SHISA9: variants seen among roughly 807,000 people sequenced by gnomAD.
The protein encoded by SHISA9 is protein shisa-9.
A neutral mutation model predicts 38.0 loss-of-function variants in SHISA9; 13 were observed. The ratio of observed to expected loss-of-function variants is 0.34; its 90% CI spans 0.22 to 0.54. The LOEUF (loss-of-function observed/expected upper bound fraction) is 0.54, where lower values mean the gene tolerates loss of function less well. Ranked by LOEUF, SHISA9 falls within the 20% of genes least tolerant of loss-of-function variation. The pLI, the probability that SHISA9 is intolerant of heterozygous loss-of-function variation, is 0.91. For missense variants in SHISA9, 538 were observed against 575.8 expected (o/e 0.93, Z 0.67); for synonymous variants, 275 against 242.0 (o/e 1.14, Z -1.27).
At chr16:13,282,192 T>C in the SHISA9 span, among the ~76,000 whole-genome samples, 5 of 152,014 alleles carry the variant, frequency 3.3e-5, 1 homozygote, top group Non-Finnish European at 4.4e-5. Context: ...ATGCTGGTAA[T>C]GTATTCTTCC....
chr16:13,400,784 G>A, the SHISA9 span, among the ~76,000 whole-genome samples: 1 of 152,234 alleles, frequency 6.6e-6, no homozygotes, highest in Non-Finnish European at 1.5e-5. Context: ...GCCAGGTGCT[G>A]CAGGACACAG....
intron 2 of SHISA9, among the ~76,000 whole-genome samples, chr16:13,188,294 A>G (rs886064838): frequency 6.6e-6 from 1 of 152,226 alleles, no homozygotes; most frequent in African/African-American, 2.4e-5. Context: ...CTGCCTTGAC[A>G]CAGCAGGTGC....
chr16:13,231,959 C>T lies in SHISA9; in HGVS notation c.896-3071C>T, dbSNP rs988371032. 2.0e-5 allele frequency among the ~76,000 whole-genome samples: 3 copies of T among 152,272 alleles called. No homozygotes were observed. In the South Asian group the frequency reaches 6.2e-4, roughly 32 times the overall value. On this transcript the variant is annotated intron_variant, in intron 4 of 4. Coordinates refer to ENST00000558583, the MANE Select transcript of SHISA9 (RefSeq NM_001145204.3). The stretch of plus-strand genomic sequence containing the variant: ...CTTGACAGTTTCCTTATTTGTCAAG[C>T]GGGAGAAATAGTCCCCATCTTTTCC...
chr16:13,206,043 G>A (rs1358221218), intron 3 of SHISA9, among the ~76,000 whole-genome samples: 1 of 151,730 alleles, frequency 6.6e-6, no homozygotes, highest in East Asian at 1.9e-4. Flanking sequence ...GAGATTACAG[G>A]TGTGAGCTAC....
chr16:13,348,252 C>T, the SHISA9 span, among the ~76,000 whole-genome samples: 2 of 152,026 alleles, frequency 1.3e-5, no homozygotes, highest in South Asian at 4.2e-4. Context: ...TTAACAGTGT[C>T]GGCATCTCTA....
chr16:13,067,506 C>G (rs2073448647), intron 2 of SHISA9, among the ~76,000 whole-genome samples: 1 of 152,240 alleles, frequency 6.6e-6, no homozygotes, highest in Non-Finnish European at 1.5e-5. Flanking sequence ...TATCTGTTCT[C>G]TTGGCCAAGG....
In SHISA9 at chr16:13,122,994, C is replaced by T. The variant is rs2141979685; in HGVS notation, c.692-80400C>T. Among the ~76,000 whole-genome samples the T allele has an allele frequency of 1.3e-5, 2 of 152,010 alleles. 1 individual carries two copies. Among genetic ancestry groups the T allele is most frequent in the South Asian group, 4.2e-4 (2 of 4,794 alleles). ...CCCGGGAAGCGGAGGTTGCAGTGAGCCGAGATTGTGCCACTGAACCCCAGC... is the reference window on the plus strand; with the variant it reads ...CCCGGGAAGCGGAGGTTGCAGTGAGTCGAGATTGTGCCACTGAACCCCAGC... On this transcript the variant is annotated intron_variant, in intron 2 of 4. Coordinates refer to ENST00000558583, the MANE Select transcript of SHISA9 (RefSeq NM_001145204.3).
At chr16:13,430,758 AT>A in the SHISA9 span, among the ~76,000 whole-genome samples, 1,500 of 128,830 alleles carry the variant, frequency 0.012, 91 homozygotes, top group East Asian at 0.21. Flanking sequence ...AAAAAAAAAA[AT>A]TTTGTTTTGA....
At chr16:13,495,029 C>G in the SHISA9 span, among the ~76,000 whole-genome samples, 1 of 152,122 alleles carries the variant, frequency 6.6e-6, no homozygotes, top group Non-Finnish European at 1.5e-5. Flanking sequence ...AACGACAAAG[C>G]TATACAGAGG....
chr16:13,017,599 A>G (rs879575382), intron 2 of SHISA9, among the ~76,000 whole-genome samples: 6 of 121,686 alleles, frequency 4.9e-5, no homozygotes, highest in Non-Finnish European at 7.7e-5. Flanking sequence ...TTGAGTGTCA[A>G]TCATATGCAG....
At chr16:12,944,084 TTA>T (rs1327264426) in intron 2 of SHISA9, among the ~76,000 whole-genome samples, 1 of 152,182 alleles carries the variant, frequency 6.6e-6, no homozygotes, top group Non-Finnish European at 1.5e-5. Flanking sequence ...TCCCACCCAG[TTA>T]TGATAACCAA....
chr16:13,050,673 TA>T (rs1035795430), intron 2 of SHISA9, among the ~76,000 whole-genome samples: 1 of 152,126 alleles, frequency 6.6e-6, no homozygotes, highest in Admixed American at 6.5e-5. Context: ...ACAACTGTAA[TA>T]AAAAAATGCA....
chr16:13,293,117 T>C, the SHISA9 span, among the ~76,000 whole-genome samples: 1 of 152,144 alleles, frequency 6.6e-6, no homozygotes, highest in African/African-American at 2.4e-5. Context: ...AGCCTTCACA[T>C]ATTACCCAGG....
the SHISA9 span, among the ~76,000 whole-genome samples, chr16:13,344,756 A>G: frequency 6.6e-6 from 1 of 152,172 alleles, no homozygotes; most frequent in African/African-American, 2.4e-5. Flanking sequence ...CAAAGTGAAT[A>G]TATATGCCCC....
the SHISA9 span, among the ~76,000 whole-genome samples, chr16:13,300,099 C>T: frequency 6.6e-6 from 1 of 152,036 alleles, no homozygotes. Context: ...TAAAATTGCA[C>T]CTTGATCCAA....
In SHISA9 at chr16:12,902,178, G is replaced by A; in HGVS notation, c.114G>A (p.Val38=). The A allele has an allele frequency of 6.5e-7, 1 of 1,530,524 alleles. No individual in the cohort carries two copies. The highest frequency in any genetic ancestry group is 8.7e-7 in the Non-Finnish European group (1 of 1,143,814). 94.8% of individuals were successfully genotyped at this position (1,530,524 alleles called of 1,614,324 possible). The part of the protein sequence containing the change: ...GHGQLAQLGG[V]LLLAGGNRSG... ...GGCAGCTGGCGCAACTGGGCGGCGT[G>A]TTGCTGCTGGCGGGGGGCAACCGCT... Residue 38 remains valine (V), a synonymous_variant, in exon 1 of 5, where the codon GTG becomes GTA. Coordinates refer to ENST00000558583, the MANE Select transcript of SHISA9 (RefSeq NM_001145204.3).
intron 2 of SHISA9, among the ~76,000 whole-genome samples, chr16:12,937,620 G>A (rs891387477): frequency 2.0e-5 from 3 of 152,208 alleles, no homozygotes; most frequent in African/African-American, 7.2e-5. Context: ...CTGGCTTGCA[G>A]ACAGCCACCT....
the SHISA9 span, among the ~76,000 whole-genome samples, chr16:13,300,030 G>A: frequency 0.019 from 2,927 of 152,166 alleles, 47 homozygotes; most frequent in Middle Eastern, 0.041. Context: ...TGCCACTTCC[G>A]TTCAACTCCC....
intron 2 of SHISA9, among the ~76,000 whole-genome samples, chr16:12,929,879 C>A (rs566688837): frequency 1.2e-3 from 189 of 152,276 alleles, no homozygotes; most frequent in African/African-American, 4.3e-3. Flanking sequence ...CTTCCCTCTG[C>A]CTGCAACAAG....
Sources: gnomAD v4.1 joint callset for allele counts (sites outside exome capture counted in the v4.1 genomes callset) on GRCh38, gnomAD v4.1.1 for gene constraint, MANE v1.5 for transcripts, NCBI Gene and HGNC (gene_info 2026-07-23, HGNC 2026-07-21) for gene names.